OXTR: variants seen among roughly 807,000 people sequenced by gnomAD.
The protein encoded by OXTR is oxytocin receptor.
In OXTR, 19 loss-of-function variants were observed where a neutral mutation model predicts 23.9. The observed-to-expected ratio is 0.80, with a 90% CI of 0.56 to 1.17. The LOEUF (loss-of-function observed/expected upper bound fraction) is 1.17, where lower values mean the gene tolerates loss of function less well. Among genes scored for constraint, OXTR ranks in the 50% most tolerant of loss-of-function variants. The probability of loss-of-function intolerance (pLI) is 0.00; values close to 1 mark genes in which losing one functional copy is unlikely to be tolerated. For synonymous variants in OXTR, 278 were observed against 250.5 expected (o/e 1.11, Z -1.04); for missense variants, 500 against 550.7 (o/e 0.91, Z 0.92).
chr3:8,768,084 T>C lies in OXTR; in HGVS notation c.104A>G (p.Asn35Ser), dbSNP rs776288809. The part of the protein sequence containing the change: ...GNRTAGPPRR[N>S]EALARVEVAV... ...CACCTCCACGCGCGCCAGGGCCTCG[T>C]TGCGCCGCGGGGGTCCGGCGGTGCG... The change falls in exon 3 of 4, where the codon AAC becomes AGC. Residue 35 changes from asparagine to serine, a missense_variant. Asn to Ser is a conservative substitution (Grantham distance 46). Coordinates refer to ENST00000316793, the MANE Select transcript of OXTR (RefSeq NM_000916.4). The surrounding 1 kb of genome is among the most constrained non-coding windows in gnomAD (Gnocchi z 5.4). The C allele has an allele frequency of 1.0e-5, 15 of 1,486,024 alleles. No individual in the cohort carries two copies. Among genetic ancestry groups the C allele is most frequent in the Non-Finnish European group, 1.1e-5 (12 of 1,118,754 alleles). 92.1% of individuals were successfully genotyped at this position (1,486,024 alleles called of 1,614,324 possible). A position where few individuals can be genotyped will look rare whatever the true frequency, so the allele number is the denominator to read the frequency against.
chr3:8,760,391 C>T (rs1212820820), intron 3 of OXTR, among the ~76,000 whole-genome samples: 3 of 152,218 alleles, frequency 2.0e-5, no homozygotes, highest in South Asian at 2.1e-4. Context: ...CGCAGGAGGG[C>T]GAGGGCTTGG....
intron 3 of OXTR, among the ~76,000 whole-genome samples, chr3:8,758,610 G>A (rs1006179268): frequency 6.6e-6 from 1 of 152,148 alleles, no homozygotes; most frequent in East Asian, 1.9e-4. Flanking sequence ...ACACTACAGG[G>A]TGCCTTCTTA....
At position 8,767,916 on chromosome 3, in the gene OXTR, AAC is replaced by A; in HGVS notation, c.270_271del (p.Phe91SerfsTer91). On this transcript the variant is annotated frameshift_variant, in exon 3 of 4. Coordinates refer to ENST00000316793, the MANE Select transcript of OXTR (RefSeq NM_000916.4). LOFTEE classifies it high-confidence loss of function. ...CCACAGCAACTGCGGCAGCACCTGA[AAC>A]ACTGCCACCACCAGGTCGGCGATGC... The A allele has an allele frequency of 6.2e-7, 1 of 1,613,686 alleles. No homozygotes were observed. Among genetic ancestry groups the A allele is most frequent in the African/African-American group, 1.3e-5 (1 of 75,056 alleles).
chr3:8,744,104 T>C, the OXTR span, among the ~76,000 whole-genome samples: 15 of 152,000 alleles, frequency 9.9e-5, no homozygotes, highest in Admixed American at 2.6e-4. Flanking sequence ...CACCCCCTTT[T>C]AATTTGAATG....
the OXTR span, chr3:8,744,981 C>T: frequency 6.4e-6 from 1 of 155,660 alleles, no homozygotes; most frequent in African/African-American, 2.4e-5. Context: ...GTCGGAATCC[C>T]TGGGGCGATG....
chr3:8,755,374 A>T (rs180789764), intron 3 of OXTR, among the ~76,000 whole-genome samples: 3 of 152,270 alleles, frequency 2.0e-5, no homozygotes, highest in African/African-American at 7.2e-5. Flanking sequence ...ATCAGGGATG[A>T]AGTTCACAGA....
intron 3 of OXTR, among the ~76,000 whole-genome samples, chr3:8,763,526 C>T (rs552174006): frequency 6.6e-6 from 1 of 152,318 alleles, no homozygotes; most frequent in East Asian, 1.9e-4. Flanking sequence ...TCCTCATCTC[C>T]TCCCTCAGAA....
At chr3:8,747,203 T>A (rs781656690), downstream of OXTR, among the ~76,000 whole-genome samples, 1 of 152,168 alleles carries the variant, frequency 6.6e-6, no homozygotes. Flanking sequence ...CACACACAGC[T>A]TGGGAACTAG....
chr3:8,763,689 C>G (rs1213839053), intron 3 of OXTR, among the ~76,000 whole-genome samples: 1 of 152,212 alleles, frequency 6.6e-6, no homozygotes, highest in African/African-American at 2.4e-5. Context: ...GTCTCACCAG[C>G]CTCACCAAGT....
chr3:8,744,150 A>G, the OXTR span, among the ~76,000 whole-genome samples: 1 of 152,114 alleles, frequency 6.6e-6, no homozygotes, highest in African/African-American at 2.4e-5. Context: ...ACATCTCAGA[A>G]CAGTTTCAGG....
At chr3:8,765,097 C>T (rs1339981286) in intron 3 of OXTR, among the ~76,000 whole-genome samples, 2 of 152,260 alleles carry the variant, frequency 1.3e-5, no homozygotes, top group East Asian at 3.8e-4. Flanking sequence ...GACCTCCACT[C>T]TGGCCAGGAT....
At chr3:8,748,374 A>G (rs191500879), downstream of OXTR, among the ~76,000 whole-genome samples, 2 of 152,318 alleles carry the variant, frequency 1.3e-5, no homozygotes, top group East Asian at 3.9e-4. Flanking sequence ...CCTGAATCTT[A>G]GAGCATCTTC....
the OXTR span, chr3:8,742,537 G>A: frequency 2.0e-5 from 9 of 454,874 alleles, no homozygotes; most frequent in Non-Finnish European, 3.5e-5. Context: ...AACTAAGTAG[G>A]CTGGAGAATA....
chr3:8,749,656 C>T (rs1164289912), downstream of OXTR, among the ~76,000 whole-genome samples: 1 of 152,212 alleles, frequency 6.6e-6, no homozygotes, highest in Non-Finnish European at 1.5e-5. Context: ...CCTCTTCGTG[C>T]ATGTCCCAGC....
At chr3:8,746,030 C>A, downstream of OXTR, 1 of 611,778 alleles carries the variant, frequency 1.6e-6, no homozygotes, top group South Asian at 2.1e-5. Context: ...GAAAAGACGG[C>A]CCAGCCACAG....
intron 3 of OXTR, among the ~76,000 whole-genome samples, chr3:8,756,218 C>T (rs1045662570): frequency 6.6e-6 from 1 of 152,166 alleles, no homozygotes; most frequent in Non-Finnish European, 1.5e-5. Context: ...AAAATATTGT[C>T]CTTACATTTC....
downstream of OXTR, chr3:8,745,579 C>A (rs116840774): frequency 5.6e-6 from 9 of 1,613,968 alleles, no homozygotes; most frequent in Middle Eastern, 4.9e-4. This position sits in a 1 kb window ranked among gnomAD's most constrained non-coding sequence, Gnocchi z 4.8. Flanking sequence ...GCTTTGACGG[C>A]GTGTGGAAGG....
chr3:8,744,180 A>C, the OXTR span, among the ~76,000 whole-genome samples: 1 of 152,134 alleles, frequency 6.6e-6, no homozygotes, highest in Non-Finnish European at 1.5e-5. Flanking sequence ...ACAGCTCTGC[A>C]ACCTCCCACT....
the OXTR span, among the ~76,000 whole-genome samples, chr3:8,744,445 A>ATTTTTTT: frequency 3.2e-3 from 355 of 111,190 alleles, no homozygotes; most frequent in African/African-American, 0.011. Flanking sequence ...TACCCGGCTA[A>ATTTTTTT]TTTTTTTTTT....
Sources: allele counts gnomAD v4.1 joint callset (sites outside exome capture counted in the v4.1 genomes callset), GRCh38; gene constraint gnomAD v4.1.1; non-coding constraint Gnocchi (gnomAD v3.1); transcripts MANE v1.5; gene names NCBI Gene and HGNC (gene_info 2026-07-23, HGNC 2026-07-21).